PSAP: variants seen among roughly 807,000 people sequenced by gnomAD.
PSAP encodes prosaposin, also known as precursor of saposins.
PSAP carries 25 observed loss-of-function variants against 66.0 expected under a neutral mutation model. The observed-to-expected ratio is 0.38, with a 90% CI of 0.28 to 0.53. The LOEUF (loss-of-function observed/expected upper bound fraction) is 0.53, where lower values mean the gene tolerates loss of function less well. Among genes scored for constraint, PSAP ranks in the 20% least tolerant of loss-of-function variants. The pLI, the probability that PSAP is intolerant of heterozygous loss-of-function variation, is 0.83. For missense variants in PSAP, 649 were observed against 668.8 expected, an observed-to-expected ratio of 0.97 and a Z score of 0.33; for synonymous variants, 273 against 258.9, an observed-to-expected ratio of 1.05 and a Z score of -0.52.
intron 8 of PSAP, among the ~76,000 whole-genome samples, chr10:71,821,541 A>G (rs1842300268): frequency 6.6e-6 from 1 of 152,194 alleles, no homozygotes; most frequent in Non-Finnish European, 1.5e-5. Context: ...GGGCCACAGG[A>G]TGGGGAAGGA....
chr10:71,821,845 C>T, intron 8 of PSAP, 31 bp downstream of exon 8: 3 of 1,614,048 alleles, frequency 1.9e-6, no homozygotes, highest in Admixed American at 1.7e-5. Context: ...ATTGCACAGC[C>T]CTGACCAGGA....
intron 1 of PSAP, among the ~76,000 whole-genome samples, chr10:71,848,916 G>A (rs527421592): frequency 3.9e-5 from 6 of 152,276 alleles, no homozygotes; most frequent in South Asian, 2.1e-4. Flanking sequence ...CCATTTACCC[G>A]AGTGTTCACG....
intron 1 of PSAP, among the ~76,000 whole-genome samples, chr10:71,845,276 T>G (rs1019788781): frequency 6.6e-6 from 1 of 152,122 alleles, no homozygotes; most frequent in Non-Finnish European, 1.5e-5. Context: ...TCCAGTCACA[T>G]GTATGGAAGG....
rs776446494 is a variant in PSAP, at chr10:71,828,865, C to T, written c.576+12G>A. ...CAAAAATGGGTCCTCAGTGGCCAGCCCGTTGTCTTACCTTTGGCTGGGGCT... is the reference window on the plus strand; with the variant it reads ...CAAAAATGGGTCCTCAGTGGCCAGCTCGTTGTCTTACCTTTGGCTGGGGCT... On this transcript the variant is annotated intron_variant, in intron 5 of 13. Coordinates refer to ENST00000394936, the MANE Select transcript of PSAP (RefSeq NM_002778.4). 1 of 1,613,708 alleles carries T rather than the reference C, an allele frequency of 6.2e-7. No homozygotes were observed. The highest frequency in any genetic ancestry group is 8.5e-7 in the Non-Finnish European group (1 of 1,179,958).
At chr10:71,841,165 C>T (rs1842727126) in intron 1 of PSAP, among the ~76,000 whole-genome samples, 1 of 152,220 alleles carries the variant, frequency 6.6e-6, no homozygotes, top group Non-Finnish European at 1.5e-5. Flanking sequence ...GAGAAAGCTC[C>T]ACTGCAGATC....
At chr10:71,843,048 AAC>A (rs1302544706) in intron 1 of PSAP, among the ~76,000 whole-genome samples, 1 of 152,142 alleles carries the variant, frequency 6.6e-6, no homozygotes, top group East Asian at 1.9e-4. Flanking sequence ...CGATCAAGAC[AAC>A]ACACACATCA....
chr10:71,819,937 G>A (rs1386162564), intron 9 of PSAP, 37 bp from the exon 10 acceptor site: 1 of 1,561,510 alleles, frequency 6.4e-7, no homozygotes, highest in Non-Finnish European at 8.8e-7. Context: ...GAAGACGGGA[G>A]GCCGGACAAG....
chr10:71,817,657 C>T (rs1842200343), intron 13 of PSAP, among the ~76,000 whole-genome samples, 181 bp from the exon 14 acceptor site: 1 of 152,210 alleles, frequency 6.6e-6, no homozygotes, highest in Admixed American at 6.5e-5. Context: ...ACGTGGCCAT[C>T]AGAGTTTTGG....
intron 1 of PSAP, among the ~76,000 whole-genome samples, chr10:71,839,332 C>T (rs965561576): frequency 2.0e-5 from 3 of 152,070 alleles, no homozygotes; most frequent in South Asian, 2.1e-4. Context: ...CTCCACTTCC[C>T]GGGTTCAAGC....
chr10:71,833,177 T>C (rs193175661), intron 2 of PSAP, among the ~76,000 whole-genome samples: 1 of 152,108 alleles, frequency 6.6e-6, no homozygotes, highest in East Asian at 1.9e-4. Context: ...CTGAAAGTAG[T>C]TTCAGGCCAG....
rs1564827691 is a variant in PSAP at position 71,846,622 on chromosome 10, C to T, written c.40+4560G>A. Among the ~76,000 whole-genome samples the T allele has an allele frequency of 2.0e-5, 3 of 150,760 alleles. No homozygotes were observed. In the South Asian group the frequency reaches 6.3e-4, roughly 32 times the overall value. ...TGCCTGCAATCCCAGCTATCAGCTACCTGGGAGGCTGAGGTATGAGAATCA... is the reference window on the plus strand; with the variant it reads ...TGCCTGCAATCCCAGCTATCAGCTATCTGGGAGGCTGAGGTATGAGAATCA... On this transcript the variant is annotated intron_variant, in intron 1 of 13. Transcript: ENST00000394936.
chr10:71,830,093 C>A (rs1330264537), intron 4 of PSAP, among the ~76,000 whole-genome samples: 1 of 152,164 alleles, frequency 6.6e-6, no homozygotes, highest in African/African-American at 2.4e-5. Flanking sequence ...AATGAGCTAA[C>A]ACGATGGCTT....
At position 71,831,269 on chromosome 10, in the gene PSAP, G is replaced by C; in HGVS notation, c.250-18C>G. The stretch of plus-strand genomic sequence containing the variant: ...ATCTCCTCCTACGAGAGGACACCAG[G>C]GTCAGAATCACGATAGGCTTTCCTC... On this transcript the variant is annotated intron_variant, in intron 3 of 13. Coordinates refer to ENST00000394936, the MANE Select transcript of PSAP (RefSeq NM_002778.4). 1 of 1,613,108 alleles carries C rather than the reference G, an allele frequency of 6.2e-7. No homozygotes were observed. The highest frequency in any genetic ancestry group is 1.7e-4 in the Middle Eastern group (1 of 5,910).
At chr10:71,849,908 AT>A (rs775491229) in intron 1 of PSAP, among the ~76,000 whole-genome samples, 2 of 151,922 alleles carry the variant, frequency 1.3e-5, no homozygotes, top group Non-Finnish European at 2.9e-5. Context: ...TTAAGCTCCG[AT>A]TTTTTTTAGC....
chr10:71,835,501 G>C (rs1842604412), intron 1 of PSAP, among the ~76,000 whole-genome samples: 2 of 149,614 alleles, frequency 1.3e-5, no homozygotes, highest in Non-Finnish European at 3.0e-5. Context: ...GAGCCCAGGA[G>C]GCAGAGGTTG....
chr10:71,831,044 T>TTTTAATCA, intron 4 of PSAP, 82 bp downstream of exon 4: 1 of 1,588,430 alleles, frequency 6.3e-7, no homozygotes, highest in East Asian at 2.3e-5. Context: ...AGACTTTCCA[T>TTTTAATCA]TTTAATCAAT....
chr10:71,828,621 G>C (rs1293723292), intron 5 of PSAP, among the ~76,000 whole-genome samples: 1 of 152,124 alleles, frequency 6.6e-6, no homozygotes, highest in Non-Finnish European at 1.5e-5. Flanking sequence ...CTCCAGCTTG[G>C]GTGACAGAAC....
chr10:71,834,280 A>G (rs1200834371), intron 2 of PSAP, 92 bp downstream of exon 2: 17 of 1,591,886 alleles, frequency 1.1e-5, no homozygotes, highest in Non-Finnish European at 1.5e-5. Context: ...AGGCAAGAAA[A>G]AGTGCTCTGT....
At chr10:71,826,314 C>G (rs1027122059) in intron 6 of PSAP, among the ~76,000 whole-genome samples, 1 of 152,106 alleles carries the variant, frequency 6.6e-6, no homozygotes, top group Non-Finnish European at 1.5e-5. Flanking sequence ...AAGCTTAAAT[C>G]CAGTAGAGTC....
Sources: allele counts gnomAD v4.1 joint callset (sites outside exome capture counted in the v4.1 genomes callset), GRCh38; gene constraint gnomAD v4.1.1; transcripts MANE v1.5; gene names NCBI Gene and HGNC (gene_info 2026-07-23, HGNC 2026-07-21).